Variants in PCDHGB5 observed in about 807,000 individuals in gnomAD.
The protein encoded by PCDHGB5 is protocadherin gamma-B5.
A neutral mutation model predicts 62.9 loss-of-function variants in PCDHGB5; 48 were observed. The ratio of observed to expected loss-of-function variants is 0.76; its 90% CI spans 0.61 to 0.97. The LOEUF (loss-of-function observed/expected upper bound fraction) is 0.97. Ranked by LOEUF, PCDHGB5 falls within the 50% of genes least tolerant of loss-of-function variation. The pLI is 0.00. For missense variants in PCDHGB5, 1,118 were observed against 1,198.6 expected (o/e 0.93, Z 0.99); for synonymous variants, 474 against 511.2 (o/e 0.93, Z 0.98).
chr5:141,445,564 G>A (rs564704836), intron 1 of PCDHGB5, among the ~76,000 whole-genome samples: 20 of 152,306 alleles, frequency 1.3e-4, no homozygotes, highest in Admixed American at 1.2e-3. Context: ...CTAAGAGAAA[G>A]CTTATAGTAG....
In PCDHGB5 at chr5:141,476,303, G is replaced by T. The variant is rs747567754; in HGVS notation, c.2398-18504G>T. ...TGGTTTGGATCTCGGTAGCCTCTCA[G>T]CCCGCAGGTTCCGGGTGGTGTCTGG... is the stretch of plus-strand genomic sequence containing the variant. On this transcript the variant is annotated intron_variant, in intron 1 of 3. Coordinates refer to ENST00000617380, the MANE Select transcript of PCDHGB5 (RefSeq NM_018925.3). The surrounding 1 kb of genome is among the most constrained non-coding windows in gnomAD (Gnocchi z 7.6). 6.2e-7 allele frequency: 1 copy of T among 1,613,872 alleles called. No individual in the cohort carries two copies. Among genetic ancestry groups the T allele is most frequent in the Admixed American group, 1.7e-5 (1 of 60,000 alleles).
At chr5:141,460,087 A>T (rs2098981724) in intron 1 of PCDHGB5, among the ~76,000 whole-genome samples, 1 of 152,008 alleles carries the variant, frequency 6.6e-6, no homozygotes, top group African/African-American at 2.4e-5. Flanking sequence ...AAAAAATAAT[A>T]ATTATACATG....
In PCDHGB5 at chr5:141,485,368, G is replaced by T. The variant is rs2154580406; in HGVS notation, c.2398-9439G>T. On this transcript the variant is annotated intron_variant, in intron 1 of 3. Coordinates refer to ENST00000617380, the MANE Select transcript of PCDHGB5 (RefSeq NM_018925.3). This position sits in a 1 kb window ranked among gnomAD's most constrained non-coding sequence, Gnocchi z 5.7. Reference sequence around the variant, plus strand: ...ACAGTCTGTCAGCTCGCAGGCTGCAGGTCGCTGGAGAGGTGAACCAAAGAC... The same window carrying T: ...ACAGTCTGTCAGCTCGCAGGCTGCATGTCGCTGGAGAGGTGAACCAAAGAC... The T allele has an allele frequency of 6.2e-7, 1 of 1,614,144 alleles. No individual in the cohort carries two copies. The highest frequency in any genetic ancestry group is 2.2e-5 in the East Asian group (1 of 44,866).
intron 1 of PCDHGB5, among the ~76,000 whole-genome samples, chr5:141,472,792 C>A (rs2099297177): frequency 6.6e-6 from 1 of 151,698 alleles, no homozygotes; most frequent in African/African-American, 2.4e-5. Context: ...TCAAGATCAG[C>A]CTGACCAACA....
chr5:141,499,721 G>GTC (rs1434016871), intron 2 of PCDHGB5, among the ~76,000 whole-genome samples: 69 of 135,416 alleles, frequency 5.1e-4, no homozygotes, highest in African/African-American at 1.9e-3. Flanking sequence ...TGGAGACAGA[G>GTC]TCTCACTCTC....
At chr5:141,480,695 C>T (rs2099523656) in intron 1 of PCDHGB5, among the ~76,000 whole-genome samples, 2 of 152,146 alleles carry the variant, frequency 1.3e-5, no homozygotes, top group African/African-American at 4.8e-5. Context: ...GAAACCCAGG[C>T]CACACCCCGA....
At chr5:141,459,136 T>C (rs1044347522) in intron 1 of PCDHGB5, among the ~76,000 whole-genome samples, 2 of 152,224 alleles carry the variant, frequency 1.3e-5, no homozygotes, top group Non-Finnish European at 2.9e-5. Context: ...GTAACCACCA[T>C]GCAATCAAAA....
intron 1 of PCDHGB5, among the ~76,000 whole-genome samples, chr5:141,456,101 G>A (rs1231843666): frequency 6.6e-6 from 1 of 151,970 alleles, no homozygotes; most frequent in African/African-American, 2.4e-5. Context: ...ATTTCACCGT[G>A]TTAGCCAGGA....
In PCDHGB5 at chr5:141,489,584, A is replaced by G. The variant is rs775720718; in HGVS notation, c.2398-5223A>G. Reference sequence around the variant, plus strand: ...CAGGTGGTGACTGAACACCCCCTGGAGCTAATCCGTGTAGAGGTAGAGATC... The same window carrying G: ...CAGGTGGTGACTGAACACCCCCTGGGGCTAATCCGTGTAGAGGTAGAGATC... On this transcript the variant is annotated intron_variant, in intron 1 of 3. Coordinates refer to ENST00000617380, the MANE Select transcript of PCDHGB5 (RefSeq NM_018925.3). The surrounding 1 kb of genome is among the most constrained non-coding windows in gnomAD (Gnocchi z 4.5). The G allele has an allele frequency of 6.2e-7, 1 of 1,614,054 alleles. No homozygotes were observed. Among genetic ancestry groups the G allele is most frequent in the South Asian group, 1.1e-5 (1 of 91,078 alleles).
chr5:141,408,922 G>C, intron 1 of PCDHGB5: 1 of 1,613,222 alleles, frequency 6.2e-7, no homozygotes. Context: ...ATAACCCCCC[G>C]GTTTTCAGCA....
In PCDHGB5 at chr5:141,432,700, G is replaced by C. The variant is rs1320099367; in HGVS notation, c.2397+32176G>C. 4 of 1,613,980 alleles carry C rather than the reference G, an allele frequency of 2.5e-6. No individual in the cohort carries two copies. In the Admixed American group the frequency reaches 6.7e-5, roughly 27 times the overall value. ...AGCAGAGCCTCGTAGTGGCCGTCCA[G>C]GACCACGGCCAGCCCCCTCTCTCCG... On this transcript the variant is annotated intron_variant, in intron 1 of 3. Coordinates refer to ENST00000617380, the MANE Select transcript of PCDHGB5 (RefSeq NM_018925.3). The surrounding 1 kb of genome is among the most constrained non-coding windows in gnomAD (Gnocchi z 6.0).
intron 1 of PCDHGB5, among the ~76,000 whole-genome samples, chr5:141,475,250 A>G (rs941738675): frequency 6.6e-6 from 1 of 152,246 alleles, no homozygotes; most frequent in Non-Finnish European, 1.5e-5. Context: ...AGTGTGCTCT[A>G]CAACTGAGAT....
At position 141,431,317 on chromosome 5, in the gene PCDHGB5, C is replaced by T. The variant is rs778667104; in HGVS notation, c.2397+30793C>T. ...TCTCCCTCATCGTGCAAAATGGAGC[C>T]GACGGTAGTAAGTACCCCGAATTGG... On this transcript the variant is annotated intron_variant, in intron 1 of 3. Coordinates refer to ENST00000617380, the MANE Select transcript of PCDHGB5 (RefSeq NM_018925.3). This position sits in a 1 kb window ranked among gnomAD's most constrained non-coding sequence, Gnocchi z 4.8. The T allele has an allele frequency of 6.2e-6, 10 of 1,613,964 alleles. No homozygotes were observed. The highest frequency in any genetic ancestry group is 7.6e-6 in the Non-Finnish European group (9 of 1,180,046).
intron 1 of PCDHGB5, chr5:141,415,752 T>C: frequency 7.3e-7 from 1 of 1,372,622 alleles, no homozygotes; most frequent in Non-Finnish European, 9.4e-7. Flanking sequence ...TTTTTTTTTT[T>C]TTTTTTTTTT....
chr5:141,417,226 T>A (rs966071761), intron 1 of PCDHGB5: 4 of 152,134 alleles, frequency 2.6e-5, no homozygotes, highest in Admixed American at 1.3e-4. Flanking sequence ...GACAAAAAAA[T>A]TTGTTGCTTA....
intron 1 of PCDHGB5, chr5:141,430,838 G>A (rs866767896): frequency 2.6e-6 from 4 of 1,562,908 alleles, no homozygotes; most frequent in Non-Finnish European, 3.5e-6. Context: ...GTGGGAGACC[G>A]GATGCACCCA....
At chr5:141,412,792 C>T (rs1387029327) in intron 1 of PCDHGB5, among the ~76,000 whole-genome samples, 1 of 152,194 alleles carries the variant, frequency 6.6e-6, no homozygotes. Flanking sequence ...TCCACTTTAT[C>T]ACACCTCCCC....
intron 1 of PCDHGB5, chr5:141,478,523 G>T (rs2099461821): frequency 6.2e-7 from 1 of 1,609,908 alleles, no homozygotes; most frequent in Non-Finnish European, 8.5e-7. Context: ...GGTGTTGGGT[G>T]CAGAGAGCGC....
At chr5:141,445,524 TA>T (rs1180348783) in intron 1 of PCDHGB5, among the ~76,000 whole-genome samples, 1 of 152,192 alleles carries the variant, frequency 6.6e-6, no homozygotes, top group Admixed American at 6.5e-5. Flanking sequence ...ACAGGTCTGA[TA>T]AAAGCCAACA....
Sources: allele counts gnomAD v4.1 joint callset (sites outside exome capture counted in the v4.1 genomes callset), GRCh38; gene constraint gnomAD v4.1.1; non-coding constraint Gnocchi (gnomAD v3.1); transcripts MANE v1.5; gene names NCBI Gene and HGNC (gene_info 2026-07-23, HGNC 2026-07-21).